The following PHACTR3 variants were observed in gnomAD, a reference collection of about 807,000 sequenced individuals.
The protein encoded by PHACTR3 is phosphatase and actin regulator 3.
In PHACTR3, 16 loss-of-function variants were observed where a neutral mutation model predicts 66.8. The observed-to-expected ratio is 0.24, with a 90% CI of 0.16 to 0.36. The LOEUF (loss-of-function observed/expected upper bound fraction) is 0.36, where lower values mean the gene tolerates loss of function less well. PHACTR3 is among the 10% of genes least tolerant of loss of function. The pLI is 1.00. For synonymous variants in PHACTR3, 323 were observed against 292.1 expected (o/e 1.11, Z -1.08); for missense variants, 647 against 719.9 (o/e 0.90, Z 1.16).
At chr20:59,659,033 A>G (rs1156988699) in intron 1 of PHACTR3, among the ~76,000 whole-genome samples, 5 of 149,248 alleles carry the variant, frequency 3.4e-5, no homozygotes, top group Non-Finnish European at 7.4e-5. Flanking sequence ...ATTTTTCATT[A>G]TAGCATTTCC....
In PHACTR3 at chr20:59,830,244, G is replaced by T. The variant is rs566902304; in HGVS notation, c.1329-6261G>T. On this transcript the variant is annotated intron_variant, in intron 8 of 12. Transcript: ENST00000371015. This position sits in a 1 kb window ranked among gnomAD's most constrained non-coding sequence, Gnocchi z 5.8. ...GGGCGTGAGTGTCTGATGGAAGAGG[G>T]TATGAGTGTCTGATAGAAGAGGGTA... 2.7e-4 allele frequency among the ~76,000 whole-genome samples: 41 copies of T among 152,168 alleles called. No homozygotes were observed. Among genetic ancestry groups the T allele is most frequent in the Non-Finnish European group, 5.7e-4 (39 of 67,988 alleles).
At chr20:59,618,615 G>A (rs2034119594) in intron 1 of PHACTR3, among the ~76,000 whole-genome samples, 1 of 152,208 alleles carries the variant, frequency 6.6e-6, no homozygotes, top group South Asian at 2.1e-4. Context: ...GAAGGGAAGG[G>A]TATGTGCCAT....
At chr20:59,812,838 C>T (rs1471036556) in intron 8 of PHACTR3, among the ~76,000 whole-genome samples, 1 of 152,122 alleles carries the variant, frequency 6.6e-6, no homozygotes, top group African/African-American at 2.4e-5. Context: ...GTGCTGATTG[C>T]CTGTGATGCC....
chr20:59,640,187 G>A (rs1368030271), intron 1 of PHACTR3, among the ~76,000 whole-genome samples: 2 of 152,230 alleles, frequency 1.3e-5, no homozygotes, highest in Non-Finnish European at 2.9e-5. Flanking sequence ...AACCTTGGAT[G>A]GTTGGTAGGA....
chr20:59,841,161 G>A (rs577482099), intron 10 of PHACTR3, among the ~76,000 whole-genome samples: 3 of 152,252 alleles, frequency 2.0e-5, no homozygotes, highest in African/African-American at 7.2e-5. Context: ...ATGTACTACT[G>A]GGGGTGTGAC....
chr20:59,748,646 G>A (rs1181732930), intron 3 of PHACTR3, among the ~76,000 whole-genome samples: 3 of 152,118 alleles, frequency 2.0e-5, no homozygotes, highest in East Asian at 1.9e-4. Flanking sequence ...GGTGCCTTCC[G>A]GTTCCCTGAG....
At position 59,829,640 on chromosome 20, in the gene PHACTR3, G is replaced by C. The variant is rs1036636233; in HGVS notation, c.1329-6865G>C. ...GGAATCCCATCTCCAGGCGGGGGCC[G>C]CCAGCTTTTCTCAGTGACTCAAGGC... On this transcript the variant is annotated intron_variant, in intron 8 of 12. Coordinates refer to ENST00000371015, the MANE Select transcript of PHACTR3 (RefSeq NM_080672.5). This position sits in a 1 kb window ranked among gnomAD's most constrained non-coding sequence, Gnocchi z 4.2. 6.6e-6 allele frequency among the ~76,000 whole-genome samples: 1 copy of C among 152,186 alleles called. No homozygotes were observed. Among genetic ancestry groups the C allele is most frequent in the Non-Finnish European group, 1.5e-5 (1 of 68,034 alleles).
chr20:59,808,878 G>A (rs566029921), intron 8 of PHACTR3, among the ~76,000 whole-genome samples: 8 of 152,274 alleles, frequency 5.3e-5, no homozygotes, highest in Admixed American at 2.6e-4. Flanking sequence ...TGGAGGGGCC[G>A]TCCCGTGTGT....
At chr20:59,827,235 G>A (rs1339059352) in intron 8 of PHACTR3, among the ~76,000 whole-genome samples, 4 of 152,144 alleles carry the variant, frequency 2.6e-5, no homozygotes, top group Non-Finnish European at 5.9e-5. Flanking sequence ...TCATGGGCGG[G>A]GGTGCACGTG....
intron 1 of PHACTR3, among the ~76,000 whole-genome samples, chr20:59,587,295 T>A (rs528621064): frequency 4.6e-5 from 7 of 152,346 alleles, no homozygotes; most frequent in East Asian, 1.9e-4. Context: ...GTGGAGGAGA[T>A]GCAGGTTGCA....
intron 1 of PHACTR3, among the ~76,000 whole-genome samples, chr20:59,686,890 GTGA>G (rs1180748314): frequency 1.5e-5 from 2 of 132,324 alleles, no homozygotes; most frequent in African/African-American, 2.7e-5. Flanking sequence ...GGTGGTGATT[GTGA>G]TGATGGTGGT....
intron 1 of PHACTR3, among the ~76,000 whole-genome samples, chr20:59,610,017 G>A (rs985752548): frequency 6.6e-6 from 1 of 152,146 alleles, no homozygotes; most frequent in African/African-American, 2.4e-5. Context: ...AGTTTGAGAG[G>A]CCTAGGTGGG....
chr20:59,724,587 C>T (rs2038487093), intron 1 of PHACTR3, among the ~76,000 whole-genome samples: 2 of 152,132 alleles, frequency 1.3e-5, no homozygotes, highest in South Asian at 4.2e-4. Flanking sequence ...GAATCCTCTT[C>T]ACCTGGGGAG....
At chr20:59,707,428 CCTT>C (rs941074495) in intron 1 of PHACTR3, among the ~76,000 whole-genome samples, 1 of 150,780 alleles carries the variant, frequency 6.6e-6, no homozygotes, top group Non-Finnish European at 1.5e-5. Flanking sequence ...CTGGGGCCTC[CCTT>C]CTTCTTTCTC....
chr20:59,597,088 G>C (rs531582423), intron 1 of PHACTR3, among the ~76,000 whole-genome samples: 2 of 152,340 alleles, frequency 1.3e-5, no homozygotes, highest in South Asian at 4.1e-4. Flanking sequence ...TAGAGATTTT[G>C]GTGGGTTGGG....
chr20:59,605,148 G>A lies in PHACTR3; in HGVS notation c.118+16G>A, dbSNP rs1224074846. The stretch of plus-strand genomic sequence containing the variant: ...GAGAACCCAGGTAACGGGCTGGGCG[G>A]GGGCGGCGGGCGGGTCGGGGAGGCC... On this transcript the variant is annotated intron_variant, in intron 1 of 12. Coordinates refer to ENST00000371015, the MANE Select transcript of PHACTR3 (RefSeq NM_080672.5). 1 of 1,307,456 alleles carries A rather than the reference G, an allele frequency of 7.6e-7. No individual in the cohort carries two copies. The highest frequency in any genetic ancestry group is 9.8e-7 in the Non-Finnish European group (1 of 1,020,848). The allele number at this position is 1,307,456 out of a possible 1,614,324, so 81.0% of individuals were successfully genotyped here. A position where few individuals can be genotyped will look rare whatever the true frequency, so the allele number is the denominator to read the frequency against.
At chr20:59,789,213 C>T (rs1384611555) in intron 7 of PHACTR3, among the ~76,000 whole-genome samples, 1 of 152,100 alleles carries the variant, frequency 6.6e-6, no homozygotes, top group Non-Finnish European at 1.5e-5. Flanking sequence ...GAGGTGGCCT[C>T]TGAGCAGAGT....
chr20:59,599,326 C>G (rs1191514827), intron 1 of PHACTR3, among the ~76,000 whole-genome samples: 1 of 152,258 alleles, frequency 6.6e-6, no homozygotes, highest in African/African-American at 2.4e-5. Flanking sequence ...GTGAAGCCGA[C>G]ATTGCCACCA....
chr20:59,799,130 A>G (rs1318531135), intron 7 of PHACTR3, among the ~76,000 whole-genome samples: 1 of 151,572 alleles, frequency 6.6e-6, no homozygotes, highest in East Asian at 1.9e-4. Flanking sequence ...ATTTATTTCC[A>G]CTCTGGTCAG....
Sources: gnomAD v4.1 joint callset for allele counts (sites outside exome capture counted in the v4.1 genomes callset) on GRCh38, gnomAD v4.1.1 for gene constraint, Gnocchi (gnomAD v3.1) non-coding constraint, MANE v1.5 for transcripts, NCBI Gene and HGNC (gene_info 2026-07-23, HGNC 2026-07-21) for gene names.